The following ANO4 variants were observed in gnomAD, a reference collection of about 807,000 sequenced individuals.
ANO4 encodes the protein anoctamin 4.
A neutral mutation model predicts 141.9 loss-of-function variants in ANO4; 69 were observed. The observed-to-expected ratio is 0.49, with a 90% CI of 0.40 to 0.59. The LOEUF (loss-of-function observed/expected upper bound fraction) is 0.59, where lower values mean the gene tolerates loss of function less well. Among genes scored for constraint, ANO4 ranks in the 20% least tolerant of loss-of-function variants. ANO4 has a pLI of 0.00. For missense variants in ANO4, 894 were observed against 1,162.2 expected, an observed-to-expected ratio of 0.77 and a Z score of 3.36; for synonymous variants, 350 against 394.3, an observed-to-expected ratio of 0.89 and a Z score of 1.33.
chr12:101,069,984 A>C (rs1222165696), intron 14 of ANO4, among the ~76,000 whole-genome samples: 1 of 152,064 alleles, frequency 6.6e-6, no homozygotes, highest in Non-Finnish European at 1.5e-5. Context: ...TATATAATAA[A>C]ATAATCATGC....
At chr12:101,076,958 G>C (rs1913729) in intron 14 of ANO4, among the ~76,000 whole-genome samples, 24,415 of 152,138 alleles carry the variant, frequency 0.16, 2,044 homozygotes, top group East Asian at 0.21. Context: ...GCCTGCTTTA[G>C]AAAGGCCTGC....
intron 1 of ANO4, among the ~76,000 whole-genome samples, chr12:100,815,141 T>C (rs2035664311): frequency 6.6e-6 from 1 of 152,122 alleles, no homozygotes; most frequent in Non-Finnish European, 1.5e-5. Context: ...CTATTCTGGA[T>C]ACGTAAGAAT....
chr12:100,961,904 C>G (rs1566061440), intron 5 of ANO4, among the ~76,000 whole-genome samples: 4 of 152,170 alleles, frequency 2.6e-5, no homozygotes, highest in Non-Finnish European at 5.9e-5. Flanking sequence ...ATCCTGACTG[C>G]TACACTAAAC....
At chr12:101,083,949 T>A in intron 16 of ANO4, 131 bp downstream of exon 16, 1 of 873,036 alleles carries the variant, frequency 1.1e-6, no homozygotes, top group South Asian at 2.0e-5. Context: ...TCACAGTAAC[T>A]TCGTCTGGTG....
chr12:101,007,280 G>T (rs527386408), intron 8 of ANO4, among the ~76,000 whole-genome samples: 2 of 152,312 alleles, frequency 1.3e-5, no homozygotes, highest in African/African-American at 4.8e-5. Flanking sequence ...AATCCGAGAG[G>T]CAGAGGTTGC....
chr12:101,002,012 A>G (rs909937070), intron 8 of ANO4, among the ~76,000 whole-genome samples: 9 of 152,006 alleles, frequency 5.9e-5, no homozygotes, highest in African/African-American at 1.5e-4. Flanking sequence ...GTGTTGACCA[A>G]CCTTGACGCT....
At position 101,097,724 on chromosome 12, in the gene ANO4, T is replaced by C. The variant is rs1303688743; in HGVS notation, c.1908+16T>C. The C allele has an allele frequency of 1.2e-6, 2 of 1,613,296 alleles. No individual in the cohort carries two copies. The highest frequency in any genetic ancestry group is 2.2e-5 in the East Asian group (1 of 44,870). On this transcript the variant is annotated intron_variant, in intron 20 of 27. Transcript: ENST00000392977. The stretch of plus-strand genomic sequence containing the variant: ...ACTAGAAGAGGTCTGTATTCTCCCA[T>C]CATTCCTTGTTTCCGACAGACTTGC...
chr12:100,984,438 C>T (rs1330015595), intron 7 of ANO4, among the ~76,000 whole-genome samples: 1 of 152,158 alleles, frequency 6.6e-6, no homozygotes, highest in Non-Finnish European at 1.5e-5. Flanking sequence ...AGTTCCTTTG[C>T]TTTCCATCAC....
chr12:100,920,453 T>C (rs2041578017), intron 2 of ANO4, among the ~76,000 whole-genome samples: 1 of 152,204 alleles, frequency 6.6e-6, no homozygotes. Context: ...TTATGAGGTC[T>C]TTGGCCATCA....
At chr12:100,807,412 T>C (rs1205193009) in intron 1 of ANO4, among the ~76,000 whole-genome samples, 1 of 152,192 alleles carries the variant, frequency 6.6e-6, no homozygotes, top group East Asian at 1.9e-4. Context: ...ATGATATGGC[T>C]AGCCTCACCC....
At chr12:100,988,129 A>G (rs1263653011) in intron 8 of ANO4, among the ~76,000 whole-genome samples, 1 of 152,064 alleles carries the variant, frequency 6.6e-6, no homozygotes, top group African/African-American at 2.4e-5. Flanking sequence ...TCAGCAGTTC[A>G]CTGGGTTGCC....
rs930333997 is a variant in ANO4, at chr12:100,956,333, C to T, written c.456+13798C>T. Among the ~76,000 whole-genome samples, 9 of 152,166 alleles carry T rather than the reference C, an allele frequency of 5.9e-5. 1 individual carries two copies. Among genetic ancestry groups the T allele is most frequent in the Admixed American group, 5.2e-4 (8 of 15,274 alleles). The stretch of plus-strand genomic sequence containing the variant: ...CACTAGAGTACTTTGTTTTTCAGCT[C>T]CATTCTTCTTTCTCTCTGTTTTCTA... On this transcript the variant is annotated intron_variant, in intron 5 of 27. Coordinates refer to ENST00000392977, the MANE Select transcript of ANO4 (RefSeq NM_001286615.2).
upstream of ANO4, among the ~76,000 whole-genome samples, chr12:100,792,929 G>A (rs770294484): frequency 1.1e-4 from 17 of 152,312 alleles, no homozygotes; most frequent in Admixed American, 2.0e-4. Flanking sequence ...TTCGATTTCA[G>A]AAATTATTTG....
intron 22 of ANO4, among the ~76,000 whole-genome samples, chr12:101,103,571 C>A (rs1041468482): frequency 1.3e-5 from 2 of 151,636 alleles, no homozygotes; most frequent in African/African-American, 2.4e-5. Flanking sequence ...TTAAACTAAC[C>A]TAGCAAACTT....
chr12:100,811,881 A>G (rs1380770204), intron 1 of ANO4, among the ~76,000 whole-genome samples: 3 of 152,194 alleles, frequency 2.0e-5, no homozygotes, highest in Non-Finnish European at 4.4e-5. Flanking sequence ...GGTAGTCGAT[A>G]TAAAGCTTTT....
chr12:100,977,852 C>T lies in ANO4; in HGVS notation c.602+2963C>T, dbSNP rs145597292. On this transcript the variant is annotated intron_variant, in intron 7 of 27. Transcript: ENST00000392977. ...TACAGCCCTTTATAAACTGTCCTCG[C>T]CCATCGCTTCCCTCCCACCACTCTT... 1.2e-4 allele frequency among the ~76,000 whole-genome samples: 18 copies of T among 152,306 alleles called. 1 individual carries two copies. The East Asian group carries it at 3.5e-3, about 29-fold the overall frequency.
chr12:101,080,865 GATAT>G (rs373785625), intron 15 of ANO4, among the ~76,000 whole-genome samples: 104 of 109,168 alleles, frequency 9.5e-4, no homozygotes, highest in Middle Eastern at 4.3e-3. Context: ...CTAGGTTCTA[GATAT>G]ATATATATAT....
upstream of ANO4, among the ~76,000 whole-genome samples, chr12:100,794,034 A>G (rs566660426): frequency 5.2e-4 from 79 of 152,314 alleles, no homozygotes; most frequent in Non-Finnish European, 8.4e-4. Flanking sequence ...TAAAAGGGAC[A>G]TGTTAACTAT....
At chr12:101,069,390 A>G (rs569614774) in intron 14 of ANO4, among the ~76,000 whole-genome samples, 2 of 152,350 alleles carry the variant, frequency 1.3e-5, no homozygotes, top group African/African-American at 2.4e-5. Context: ...ACATTTAACC[A>G]TGTTGGTTTA....
Sources: gnomAD v4.1 joint callset for allele counts (sites outside exome capture counted in the v4.1 genomes callset) on GRCh38, gnomAD v4.1.1 for gene constraint, MANE v1.5 for transcripts, NCBI Gene and HGNC (gene_info 2026-07-23, HGNC 2026-07-21) for gene names.